TXNDC15: variants seen among roughly 807,000 people sequenced by gnomAD.
TXNDC15 encodes thioredoxin domain containing 15.
Under a neutral mutation model 35.0 loss-of-function variants are expected in TXNDC15, and 24 were observed. That is an observed-to-expected ratio of 0.68 (90% CI 0.50 to 0.96). The LOEUF is 0.96. TXNDC15 is among the 40% of genes least tolerant of loss of function. The pLI is 0.00. For missense variants in TXNDC15, 385 were observed against 453.3 expected (o/e 0.85, Z 1.37); for synonymous variants, 169 against 174.0 (o/e 0.97, Z 0.23).
In TXNDC15 at chr5:134,900,751, A is replaced by G. The variant is rs968938737; in HGVS notation, c.*1066A>G. On this transcript the variant is annotated 3_prime_UTR_variant, in exon 5 of 5. Transcript: ENST00000358387. ...CAAGTTGATTCTAGTCTAGTTCAAG[A>G]CACATGTTTAGTAAAGAGACAACAT... is the stretch of plus-strand genomic sequence containing the variant. 1 of 152,182 alleles carries G rather than the reference A, an allele frequency of 6.6e-6. No homozygotes were observed. The highest frequency in any genetic ancestry group is 1.5e-5 in the Non-Finnish European group (1 of 68,050). The allele number at this position is 152,182 out of a possible 1,614,324, so 9.4% of individuals were successfully genotyped here. A position where few individuals can be genotyped will look rare whatever the true frequency, so the allele number is the denominator to read the frequency against.
At chr5:134,876,926 A>G (rs1380239418) in intron 1 of TXNDC15, among the ~76,000 whole-genome samples, 1 of 152,090 alleles carries the variant, frequency 6.6e-6, no homozygotes, top group Non-Finnish European at 1.5e-5. Flanking sequence ...CTTACTGAGC[A>G]CTCATCATAT....
upstream of TXNDC15, chr5:134,873,836 T>C (rs942642733): frequency 1.3e-5 from 2 of 152,230 alleles, no homozygotes; most frequent in African/African-American, 2.4e-5. Flanking sequence ...GTCACGAAGT[T>C]ACAGGATGCT....
chr5:134,893,315 T>C, intron 2 of TXNDC15, 177 bp from the exon 3 acceptor site: 2 of 594,578 alleles, frequency 3.4e-6, no homozygotes, highest in South Asian at 2.7e-5. Flanking sequence ...TCATACTTTT[T>C]TGCTGGTTCC....
chr5:134,891,701 G>T (rs1281679104), intron 2 of TXNDC15, among the ~76,000 whole-genome samples: 1 of 152,128 alleles, frequency 6.6e-6, no homozygotes, highest in Non-Finnish European at 1.5e-5. Flanking sequence ...AAGGTGGGTG[G>T]ATTGCTTAAA....
chr5:134,894,281 C>G (rs1469337461), intron 3 of TXNDC15, among the ~76,000 whole-genome samples: 1 of 151,730 alleles, frequency 6.6e-6, no homozygotes. Flanking sequence ...CCTTGAACTC[C>G]TGGGCTCAAG....
intron 3 of TXNDC15, 25 bp downstream of exon 3, chr5:134,893,680 G>A (rs1327232149): frequency 1.4e-5 from 23 of 1,613,378 alleles, no homozygotes; most frequent in South Asian, 2.2e-5. Flanking sequence ...TGGGGTTTAC[G>A]TCCATCCTCC....
chr5:134,893,374 C>T (rs767235208), intron 2 of TXNDC15, 118 bp from the exon 3 acceptor site: 21 of 1,240,746 alleles, frequency 1.7e-5, no homozygotes, highest in East Asian at 9.4e-5. Context: ...TTCCTTCTCT[C>T]GCTGCTCCTA....
At chr5:134,890,203 TTC>T (rs1491307719) in intron 2 of TXNDC15, among the ~76,000 whole-genome samples, 1 of 151,322 alleles carries the variant, frequency 6.6e-6, no homozygotes, top group Non-Finnish European at 1.5e-5. Flanking sequence ...GCTAATTTTT[TTC>T]TTTTTTTTTT....
At chr5:134,879,539 T>G (rs2150183961) in intron 1 of TXNDC15, among the ~76,000 whole-genome samples, 1 of 152,262 alleles carries the variant, frequency 6.6e-6, no homozygotes, top group East Asian at 1.9e-4. Context: ...ACATGTGTGT[T>G]TGTTTTTTCT....
intron 1 of TXNDC15, among the ~76,000 whole-genome samples, chr5:134,878,363 A>T (rs536463281): frequency 3.1e-4 from 47 of 152,280 alleles, no homozygotes; most frequent in Middle Eastern, 3.4e-3. Context: ...TTTAATCTTC[A>T]CAGTAGCCTC....
chr5:134,894,139 GTACT>G (rs1750442657), intron 3 of TXNDC15, among the ~76,000 whole-genome samples: 1 of 146,192 alleles, frequency 6.8e-6, no homozygotes, highest in African/African-American at 2.6e-5. Context: ...TCTTTCCTGC[GTACT>G]TATTCTTGCA....
intron 1 of TXNDC15, among the ~76,000 whole-genome samples, chr5:134,877,909 A>G: frequency 6.6e-6 from 1 of 151,602 alleles, no homozygotes; most frequent in East Asian, 1.9e-4. Flanking sequence ...AGTAGCTGGG[A>G]TTACAGGCAC....
chr5:134,896,322 G>C lies in TXNDC15; in HGVS notation c.784G>C (p.Val262Leu). ...SLSTRFGTVA[V>L]PNILLFQGAK... is the part of the protein sequence containing the mutation. ...TTCTACCAGGTTTGGCACCGTAGCTGTTCCTAATATTTTATTATTTCAAGG... is the reference window on the plus strand; with the variant it reads ...TTCTACCAGGTTTGGCACCGTAGCTCTTCCTAATATTTTATTATTTCAAGG... Residue 262 changes from valine to leucine, a missense_variant, in exon 4 of 5, where the codon GTT (valine) becomes CTT (leucine). By Grantham distance (32) the Val-to-Leu change is conservative. Transcript: ENST00000358387. 6.2e-7 allele frequency: 1 copy of C among 1,613,800 alleles called. No individual in the cohort carries two copies. Among genetic ancestry groups the C allele is most frequent in the Non-Finnish European group, 8.5e-7 (1 of 1,179,922 alleles).
At chr5:134,899,445 G>T in intron 4 of TXNDC15, 44 bp from the exon 5 acceptor site, 2 of 1,562,516 alleles carry the variant, frequency 1.3e-6, no homozygotes, top group Non-Finnish European at 1.7e-6. Flanking sequence ...ATCTGTGGTG[G>T]GTGCTTTTTC....
intron 3 of TXNDC15, among the ~76,000 whole-genome samples, chr5:134,894,357 C>A (rs989850628): frequency 1.2e-4 from 18 of 148,996 alleles, no homozygotes; most frequent in Non-Finnish European, 1.9e-4. Flanking sequence ...CCAGGCTGGT[C>A]ATTTTTTTTT....
intron 1 of TXNDC15, among the ~76,000 whole-genome samples, chr5:134,882,435 C>G (rs1445513345): frequency 6.6e-6 from 1 of 152,032 alleles, no homozygotes; most frequent in Non-Finnish European, 1.5e-5. Flanking sequence ...ACTTCCCAGA[C>G]AGGGTGGCGG....
chr5:134,888,737 C>T (rs1193080568), intron 2 of TXNDC15, among the ~76,000 whole-genome samples: 1 of 152,188 alleles, frequency 6.6e-6, no homozygotes, highest in Non-Finnish European at 1.5e-5. Flanking sequence ...CCGTCTCGGC[C>T]TCCCAAAGTG....
At chr5:134,873,875 A>T (rs1749968235), upstream of TXNDC15, 1 of 152,298 alleles carries the variant, frequency 6.6e-6, no homozygotes, top group Non-Finnish European at 1.5e-5. Context: ...CTTATACTAT[A>T]AGGGTTATAG....
chr5:134,889,775 C>T (rs776778673), intron 2 of TXNDC15, among the ~76,000 whole-genome samples: 4 of 152,196 alleles, frequency 2.6e-5, no homozygotes, highest in Non-Finnish European at 2.9e-5. Flanking sequence ...AAGCAAATAT[C>T]GCAGTGTAGC....
Sources: allele counts gnomAD v4.1 joint callset (sites outside exome capture counted in the v4.1 genomes callset), GRCh38; gene constraint gnomAD v4.1.1; transcripts MANE v1.5; gene names NCBI Gene and HGNC (gene_info 2026-07-23, HGNC 2026-07-21).